MEGF11: variants seen among roughly 807,000 people sequenced by gnomAD.
MEGF11 encodes the protein multiple EGF like domains 11.
A neutral mutation model predicts 146.6 loss-of-function variants in MEGF11; 126 were observed. The ratio of observed to expected loss-of-function variants is 0.86; its 90% CI spans 0.74 to 1.00. MEGF11 has a LOEUF of 1.00. Among genes scored for constraint, MEGF11 ranks in the 50% least tolerant of loss-of-function variants. MEGF11 has a pLI of 0.00. For synonymous variants in MEGF11, 532 were observed against 583.4 expected, an observed-to-expected ratio of 0.91 and a Z score of 1.27; for missense variants, 1,509 against 1,521.2, an observed-to-expected ratio of 0.99 and a Z score of 0.13.
chr15:66,081,780 G>A (rs1266773225), intron 5 of MEGF11, among the ~76,000 whole-genome samples: 1 of 152,186 alleles, frequency 6.6e-6, no homozygotes, highest in Non-Finnish European at 1.5e-5. Flanking sequence ...GTATGTTAAG[G>A]CACAGGACTT....
rs758205502 is a variant in MEGF11 at position 65,898,884 on chromosome 15, T to C, written c.3106A>G (p.Ser1036Gly). The C allele has an allele frequency of 6.2e-6, 10 of 1,613,892 alleles. No individual in the cohort carries two copies. The African/African-American group carries it at 1.3e-4, about 22-fold the overall frequency. ...TTAATTGTGGCGTAAGGGTTTTCAC[T>C]GCTATTCAAGGAACAAGTACTAGAA... ...CSSSTCSLNS[S>G]ENPYATIKDP... Residue 1036 changes from serine (S) to glycine (G), a missense_variant, in exon 25 of 26, where the codon AGT (serine) becomes GGT (glycine). By Grantham distance (56) the Ser-to-Gly change is moderately conservative. Transcript: ENST00000395614.
intron 23 of MEGF11, among the ~76,000 whole-genome samples, chr15:65,907,745 A>G (rs1023408870): frequency 1.3e-5 from 2 of 152,216 alleles, no homozygotes; most frequent in African/African-American, 4.8e-5. Context: ...TAGGGTATTA[A>G]CTTTTCCTTT....
intron 10 of MEGF11, among the ~76,000 whole-genome samples, chr15:65,934,167 T>G (rs2079681694): frequency 6.6e-6 from 1 of 152,234 alleles, no homozygotes. Context: ...CCTCTGATAT[T>G]GTGAAATATA....
chr15:65,970,215 A>G (rs192185897), intron 8 of MEGF11, among the ~76,000 whole-genome samples: 5,568 of 152,222 alleles, frequency 0.037, 139 homozygotes, highest in Middle Eastern at 0.058. Flanking sequence ...CATATGAATG[A>G]AGTGATTTTG....
chr15:66,023,014 A>G (rs781012126), intron 5 of MEGF11, among the ~76,000 whole-genome samples: 2 of 151,514 alleles, frequency 1.3e-5, no homozygotes, highest in Non-Finnish European at 2.9e-5. Flanking sequence ...TTAGCCGGGT[A>G]TGGTGGTGGA....
rs560329586 is a variant in MEGF11 at position 66,158,396 on chromosome 15, G to A, written c.-8-29985C>T. Among the ~76,000 whole-genome samples the A allele has an allele frequency of 6.6e-5, 10 of 152,366 alleles. No homozygotes were observed. In the East Asian group the frequency reaches 1.9e-3, roughly 29 times the overall value. On this transcript the variant is annotated intron_variant, in intron 1 of 25. Coordinates refer to ENST00000395614, the MANE Select transcript of MEGF11 (RefSeq NM_001385028.1). ...TCACAACCCCCTCTTCCCATCAGAT[G>A]GAACCGTGTGGACTCAGCCTCAGCC... is the stretch of plus-strand genomic sequence containing the variant.
intron 5 of MEGF11, among the ~76,000 whole-genome samples, chr15:66,019,971 A>G (rs1416498945): frequency 6.6e-6 from 1 of 151,816 alleles, no homozygotes; most frequent in Non-Finnish European, 1.5e-5. Flanking sequence ...GCCCATGGCC[A>G]CTCCGGTAAG....
At chr15:65,963,040 C>G (rs2080921864) in intron 9 of MEGF11, among the ~76,000 whole-genome samples, 2 of 152,148 alleles carry the variant, frequency 1.3e-5, no homozygotes, top group South Asian at 4.1e-4. Context: ...GCATGGTTGC[C>G]CAGGCACAGG....
intron 1 of MEGF11, among the ~76,000 whole-genome samples, chr15:66,214,619 TC>T (rs1468383408): frequency 5.9e-5 from 9 of 152,144 alleles, no homozygotes; most frequent in Non-Finnish European, 1.2e-4. Flanking sequence ...CCAGGTAGGA[TC>T]CATTGCTGCC....
At chr15:65,949,159 C>T (rs776691248) in intron 10 of MEGF11, among the ~76,000 whole-genome samples, 6 of 152,226 alleles carry the variant, frequency 3.9e-5, no homozygotes, top group Non-Finnish European at 8.8e-5. Flanking sequence ...ACACTTCTCT[C>T]ACTCCCTAGT....
At chr15:66,139,402 T>C (rs539031305) in intron 1 of MEGF11, among the ~76,000 whole-genome samples, 2 of 152,286 alleles carry the variant, frequency 1.3e-5, no homozygotes, top group East Asian at 1.9e-4. Context: ...TTCCAGGAAA[T>C]TGTTCATTAA....
chr15:65,912,248 C>CT, intron 20 of MEGF11, 48 bp from the exon 21 acceptor site: 1 of 1,106,288 alleles, frequency 9.0e-7, no homozygotes, highest in South Asian at 4.7e-5. Flanking sequence ...CTGCCCCTGG[C>CT]ATGAGATACC....
Position 65,970,740 on chromosome 15 carries a change from CT to C in MEGF11, c.763-52del, listed in dbSNP as rs2141611181. 2.6e-6 allele frequency: 4 copies of C among 1,559,156 alleles called. 1 individual carries two copies. In the African/African-American group the frequency reaches 4.1e-5, roughly 16 times the overall value. ...ATGGCGGTGCTCCAGAAATGCCAAA[CT>C]TTCCTGGGAATGGCACACCTGCTGT... On this transcript the variant is annotated intron_variant, in intron 7 of 25. Transcript: ENST00000395614.
intron 7 of MEGF11, among the ~76,000 whole-genome samples, chr15:65,979,880 A>G (rs751895076): frequency 6.6e-6 from 1 of 152,176 alleles, no homozygotes; most frequent in African/African-American, 2.4e-5. Flanking sequence ...TTCAGGGTCA[A>G]CATTGGCTTT....
intron 1 of MEGF11, 124 bp from the exon 2 acceptor site, chr15:66,128,535 G>GT (rs1261232093): frequency 4.0e-6 from 2 of 499,614 alleles, no homozygotes; most frequent in Non-Finnish European, 3.3e-6. Flanking sequence ...GACTAACACT[G>GT]TAACAGTTCA....
At chr15:66,084,527 G>A (rs762094368) in intron 5 of MEGF11, among the ~76,000 whole-genome samples, 3 of 152,104 alleles carry the variant, frequency 2.0e-5, no homozygotes, top group South Asian at 2.1e-4. Flanking sequence ...CTCCTCTCCC[G>A]AACACACCCC....
intron 1 of MEGF11, among the ~76,000 whole-genome samples, chr15:66,206,630 G>A (rs1257023386): frequency 6.6e-6 from 1 of 152,164 alleles, no homozygotes; most frequent in African/African-American, 2.4e-5. Flanking sequence ...GGCCAGGCGT[G>A]GTGGCTCACA....
At chr15:65,932,019 C>G (rs534138016) in intron 10 of MEGF11, among the ~76,000 whole-genome samples, 1 of 152,218 alleles carries the variant, frequency 6.6e-6, no homozygotes, top group African/African-American at 2.4e-5. Flanking sequence ...AACTGGCTAC[C>G]CTGGAAAACA....
chr15:66,032,637 T>C (rs2083567006), intron 5 of MEGF11, among the ~76,000 whole-genome samples: 1 of 152,236 alleles, frequency 6.6e-6, no homozygotes, highest in African/African-American at 2.4e-5. Context: ...ATCCTTGTTA[T>C]AAAGTAGCAA....
Sources: allele counts gnomAD v4.1 joint callset (sites outside exome capture counted in the v4.1 genomes callset), GRCh38; gene constraint gnomAD v4.1.1; transcripts MANE v1.5; gene names NCBI Gene and HGNC (gene_info 2026-07-23, HGNC 2026-07-21).